The following INTS4 variants were observed in gnomAD, a reference collection of about 807,000 sequenced individuals.
INTS4 encodes integrator complex subunit 4, also known as MSTP093.
INTS4 carries 70 observed loss-of-function variants against 119.5 expected under a neutral mutation model. The observed-to-expected ratio is 0.59, with a 90% CI of 0.48 to 0.71. The LOEUF is 0.71. Ranked by LOEUF, INTS4 falls within the 30% of genes least tolerant of loss-of-function variation. The pLI, the probability that INTS4 is intolerant of heterozygous loss-of-function variation, is 0.00. For missense variants in INTS4, 867 were observed against 1,173.2 expected, an observed-to-expected ratio of 0.74 and a Z score of 3.81; for synonymous variants, 316 against 419.6, an observed-to-expected ratio of 0.75 and a Z score of 3.02.
At chr11:77,950,121 A>G (rs1954152883) in intron 8 of INTS4, among the ~76,000 whole-genome samples, 1 of 152,196 alleles carries the variant, frequency 6.6e-6, no homozygotes, top group Non-Finnish European at 1.5e-5. Context: ...ACAAGAACAG[A>G]AAACCAAATA....
At chr11:77,956,998 G>A (rs1954344364) in intron 7 of INTS4, among the ~76,000 whole-genome samples, 1 of 152,028 alleles carries the variant, frequency 6.6e-6, no homozygotes, top group Admixed American at 6.6e-5. Context: ...GCAGTGGCGT[G>A]AGCACTGCTC....
In INTS4 at chr11:77,986,758, G is replaced by A. The variant is rs1162968408; in HGVS notation, c.246+4350C>T. 3.4e-5 allele frequency among the ~76,000 whole-genome samples: 5 copies of A among 149,124 alleles called. No individual in the cohort carries two copies. The East Asian group carries it at 1.0e-3, about 30-fold the overall frequency. ...AAGGACAGAAAACCAAACACCGCAT[G>A]TTCTCACTCATAGGTGGGAATTGAA... On this transcript the variant is annotated intron_variant, in intron 2 of 22. Coordinates refer to ENST00000534064, the MANE Select transcript of INTS4 (RefSeq NM_033547.4).
intron 2 of INTS4, among the ~76,000 whole-genome samples, chr11:77,983,140 G>T (rs1304413184): frequency 6.6e-6 from 1 of 152,086 alleles, no homozygotes; most frequent in Non-Finnish European, 1.5e-5. Flanking sequence ...GTGAAATGGG[G>T]GTAATAACCT....
chr11:77,891,975 T>A (rs1308567322), intron 19 of INTS4, 135 bp from the exon 20 acceptor site: 2 of 1,413,364 alleles, frequency 1.4e-6, no homozygotes, highest in South Asian at 1.4e-5. Context: ...ACGACCAAGA[T>A]AGACTGGTAC....
intron 10 of INTS4, among the ~76,000 whole-genome samples, chr11:77,936,504 TC>T (rs1275723746): frequency 6.6e-6 from 1 of 152,128 alleles, no homozygotes; most frequent in African/African-American, 2.4e-5. Context: ...TGCCTCAGCC[TC>T]CCAAGTAGCT....
intron 4 of INTS4, chr11:77,978,296 T>C (rs990191328): frequency 6.6e-6 from 1 of 152,214 alleles, no homozygotes; most frequent in Non-Finnish European, 1.5e-5. Flanking sequence ...CTGAGATAGC[T>C]TTCTAATTTC....
intron 10 of INTS4, among the ~76,000 whole-genome samples, chr11:77,937,467 T>C (rs79564673): frequency 1.2e-4 from 19 of 152,150 alleles, no homozygotes; most frequent in Non-Finnish European, 2.2e-4. Flanking sequence ...GTAGAGGCCA[T>C]GCACAGTGGC....
At chr11:77,990,609 C>G (rs940671527) in intron 2 of INTS4, among the ~76,000 whole-genome samples, 2 of 150,202 alleles carry the variant, frequency 1.3e-5, no homozygotes, top group African/African-American at 4.9e-5. Context: ...TCGCTTGAAC[C>G]CAGGAGGCAG....
chr11:77,885,381 C>G (rs1591002143), intron 21 of INTS4, among the ~76,000 whole-genome samples: 2 of 152,042 alleles, frequency 1.3e-5, no homozygotes, highest in Non-Finnish European at 2.9e-5. Context: ...CTGGCCTACC[C>G]TTATTTCTTA....
chr11:77,942,135 C>T (rs1953942626), intron 8 of INTS4, among the ~76,000 whole-genome samples: 1 of 151,894 alleles, frequency 6.6e-6, no homozygotes, highest in African/African-American at 2.4e-5. Flanking sequence ...AACAAGAATA[C>T]AAAAATAAAA....
At chr11:77,940,583 T>C (rs1310512775) in intron 9 of INTS4, among the ~76,000 whole-genome samples, 1 of 152,204 alleles carries the variant, frequency 6.6e-6, no homozygotes, top group Non-Finnish European at 1.5e-5. Flanking sequence ...TTGTAGTTCC[T>C]AACAAATAGA....
chr11:77,963,025 C>T (rs1253634940), intron 4 of INTS4, among the ~76,000 whole-genome samples: 1 of 151,920 alleles, frequency 6.6e-6, no homozygotes, highest in Non-Finnish European at 1.5e-5. Context: ...ACCGCGCCCC[C>T]TAAAATTCAA....
intron 17 of INTS4, among the ~76,000 whole-genome samples, chr11:77,902,081 T>C (rs957440946): frequency 2.0e-5 from 3 of 152,244 alleles, no homozygotes; most frequent in African/African-American, 4.8e-5. Flanking sequence ...TCTATCCAAA[T>C]AAGCGATTTT....
chr11:77,887,151 A>G (rs1952049137), intron 21 of INTS4, among the ~76,000 whole-genome samples: 1 of 152,210 alleles, frequency 6.6e-6, no homozygotes, highest in Non-Finnish European at 1.5e-5. Context: ...AAAATTAATG[A>G]ATCCACCACC....
chr11:77,884,058 C>A, intron 21 of INTS4, 106 bp from the exon 22 acceptor site: 1 of 1,150,792 alleles, frequency 8.7e-7, no homozygotes, highest in Non-Finnish European at 1.2e-6. Flanking sequence ...AAACATGACA[C>A]CAACTTTACT....
At chr11:77,992,527 C>A (rs1856736697) in intron 1 of INTS4, among the ~76,000 whole-genome samples, 1 of 152,122 alleles carries the variant, frequency 6.6e-6, no homozygotes, top group Non-Finnish European at 1.5e-5. Context: ...ATGGTGAAAT[C>A]CTGTCTCTGT....
At chr11:77,950,219 G>C (rs1394638334) in intron 8 of INTS4, among the ~76,000 whole-genome samples, 2 of 152,152 alleles carry the variant, frequency 1.3e-5, no homozygotes, top group South Asian at 4.1e-4. Flanking sequence ...GACTGTCAGA[G>C]GGTGGGGGCT....
chr11:77,965,749 C>T (rs982415504), intron 4 of INTS4, among the ~76,000 whole-genome samples: 30 of 152,288 alleles, frequency 2.0e-4, no homozygotes, highest in African/African-American at 7.0e-4. Flanking sequence ...AGGTTGATTC[C>T]ATACATTGGC....
At chr11:77,938,597 T>C (rs1007859222) in intron 10 of INTS4, 54 bp downstream of exon 10, 2 of 1,577,320 alleles carry the variant, frequency 1.3e-6, no homozygotes, top group African/African-American at 2.7e-5. Flanking sequence ...GTATAATGCC[T>C]GACACACAGC....
Sources: gnomAD v4.1 joint callset for allele counts (sites outside exome capture counted in the v4.1 genomes callset) on GRCh38, gnomAD v4.1.1 for gene constraint, MANE v1.5 for transcripts, NCBI Gene and HGNC (gene_info 2026-07-23, HGNC 2026-07-21) for gene names.